Variants in XKR4 observed in about 807,000 individuals in gnomAD.
XKR4 encodes XK related 4, also known as XK-related protein 4.
Under a neutral mutation model 53.9 loss-of-function variants are expected in XKR4, and 12 were observed. The observed-to-expected ratio is 0.22, with a 90% CI of 0.14 to 0.36. The LOEUF is 0.36. Among genes scored for constraint, XKR4 ranks in the 10% least tolerant of loss-of-function variants. The pLI is 1.00. For synonymous variants in XKR4, 354 were observed against 362.4 expected (o/e 0.98, Z 0.26); for missense variants, 799 against 859.5 (o/e 0.93, Z 0.88).
At chr8:55,240,409 A>G (rs1818195758) in intron 1 of XKR4, among the ~76,000 whole-genome samples, 1 of 152,216 alleles carries the variant, frequency 6.6e-6, no homozygotes, top group South Asian at 2.1e-4. Context: ...ATAATGCTGA[A>G]GGACTTTGTC....
At chr8:55,342,110 A>C (rs575856572) in intron 1 of XKR4, among the ~76,000 whole-genome samples, 1 of 151,962 alleles carries the variant, frequency 6.6e-6, no homozygotes, top group East Asian at 1.9e-4. Context: ...TCTCGCATCT[A>C]AGTTGCCCCA....
chr8:55,405,500 G>T (rs551519287), intron 2 of XKR4, among the ~76,000 whole-genome samples: 1 of 152,318 alleles, frequency 6.6e-6, no homozygotes, highest in South Asian at 2.1e-4. Context: ...TGGCTTCCAA[G>T]ATTCTATCAG....
Position 55,165,340 on chromosome 8 carries a change from AC to A in XKR4, c.806+62048del, listed in dbSNP as rs569309698. On this transcript the variant is annotated intron_variant, in intron 1 of 2. Coordinates refer to ENST00000327381, the MANE Select transcript of XKR4 (RefSeq NM_052898.2). ...GTAATGACCTTCATACATATTATGC[AC>A]CATTAGTATTCATGACAATTATAGC... Among the ~76,000 whole-genome samples the A allele has an allele frequency of 3.3e-5, 5 of 151,866 alleles. No individual in the cohort carries two copies. In the East Asian group the frequency reaches 9.7e-4, roughly 29 times the overall value.
At chr8:55,206,538 T>A (rs565939789) in intron 1 of XKR4, among the ~76,000 whole-genome samples, 1 of 152,332 alleles carries the variant, frequency 6.6e-6, no homozygotes, top group Non-Finnish European at 1.5e-5. Flanking sequence ...TTTTTCCTTT[T>A]GCTCATCTAC....
chr8:55,316,049 C>A (rs1819469810), intron 1 of XKR4, among the ~76,000 whole-genome samples: 1 of 152,188 alleles, frequency 6.6e-6, no homozygotes, highest in African/African-American at 2.4e-5. Context: ...CGTAAAAAAT[C>A]ATTGCAACAT....
intron 2 of XKR4, among the ~76,000 whole-genome samples, chr8:55,494,022 C>A (rs560895901): frequency 6.6e-6 from 1 of 152,360 alleles, no homozygotes; most frequent in South Asian, 2.1e-4. Context: ...GCTCATTCTG[C>A]CCATTTGGCC....
chr8:55,376,745 A>T (rs1488679075), intron 2 of XKR4, among the ~76,000 whole-genome samples: 2 of 152,158 alleles, frequency 1.3e-5, no homozygotes, highest in Non-Finnish European at 2.9e-5. Context: ...CTGGGAAAGT[A>T]TAGGATTCCT....
At chr8:55,287,469 G>A (rs530683554) in intron 1 of XKR4, among the ~76,000 whole-genome samples, 1 of 152,220 alleles carries the variant, frequency 6.6e-6, no homozygotes, top group Non-Finnish European at 1.5e-5. Flanking sequence ...TATCCAAGAT[G>A]TTTCAGCTTC....
intron 2 of XKR4, among the ~76,000 whole-genome samples, chr8:55,484,082 G>A (rs1401823460): frequency 1.3e-5 from 2 of 152,068 alleles, no homozygotes; most frequent in Admixed American, 1.3e-4. Flanking sequence ...AAAGCACTTA[G>A]GTGAAACGAA....
At chr8:55,436,502 T>C (rs528719421) in intron 2 of XKR4, among the ~76,000 whole-genome samples, 1 of 152,340 alleles carries the variant, frequency 6.6e-6, no homozygotes, top group South Asian at 2.1e-4. Context: ...TAACATGTGT[T>C]CAGGTTTGAC....
intron 2 of XKR4, among the ~76,000 whole-genome samples, chr8:55,390,359 A>G (rs1309620376): frequency 6.6e-6 from 1 of 152,216 alleles, no homozygotes; most frequent in Non-Finnish European, 1.5e-5. Flanking sequence ...GAAAGGAATT[A>G]CAGTCTTTGT....
intron 2 of XKR4, among the ~76,000 whole-genome samples, chr8:55,481,403 G>T (rs1271855751): frequency 6.6e-6 from 1 of 151,716 alleles, no homozygotes; most frequent in Non-Finnish European, 1.5e-5. Flanking sequence ...ATTCAAGATG[G>T]ATTAAAGACT....
At chr8:55,180,108 T>A (rs186867031) in intron 1 of XKR4, among the ~76,000 whole-genome samples, 1 of 152,362 alleles carries the variant, frequency 6.6e-6, no homozygotes, top group African/African-American at 2.4e-5. Flanking sequence ...TTGAATTAAA[T>A]ACTGGTTCAA....
intron 1 of XKR4, among the ~76,000 whole-genome samples, chr8:55,345,953 T>A (rs1358613471): frequency 6.6e-6 from 1 of 151,880 alleles, no homozygotes; most frequent in East Asian, 1.9e-4. Context: ...TTCACTTATA[T>A]CCAGAGAAGA....
chr8:55,410,041 G>C lies in XKR4; in HGVS notation c.1006+52164G>C, dbSNP rs145641876. ...AGCAGGGAGATGATGGAGAATTGCTGTATTTCTGTTTGCCATGGCTAGTTG... is the reference window on the plus strand; with the variant it reads ...AGCAGGGAGATGATGGAGAATTGCTCTATTTCTGTTTGCCATGGCTAGTTG... On this transcript the variant is annotated intron_variant, in intron 2 of 2. Transcript: ENST00000327381. Among the ~76,000 whole-genome samples, 63 of 151,656 alleles carry C rather than the reference G, an allele frequency of 4.2e-4. 1 individual carries two copies. Among genetic ancestry groups the C allele is most frequent in the African/African-American group, 1.5e-3 (60 of 41,308 alleles).
At position 55,102,364 on chromosome 8, in the gene XKR4, G is replaced by C. The variant is rs1816055172; in HGVS notation, c.-125G>C. 3.4e-6 allele frequency: 4 copies of C among 1,192,148 alleles called. No homozygotes were observed. Among genetic ancestry groups the C allele is most frequent in the Non-Finnish European group, 4.2e-6 (4 of 947,544 alleles). 73.8% of individuals were successfully genotyped at this position (1,192,148 alleles called of 1,614,324 possible). ...GGACGGCAGGCGAGCCGACGCAGGA[G>C]CAGGAGGAGGGGGAGCCGCACCGCC... is the stretch of plus-strand genomic sequence containing the variant. On this transcript the variant is annotated 5_prime_UTR_variant, in exon 1 of 3. Coordinates refer to ENST00000327381, the MANE Select transcript of XKR4 (RefSeq NM_052898.2). This position sits in a 1 kb window ranked among gnomAD's most constrained non-coding sequence, Gnocchi z 5.1.
At chr8:55,466,558 C>A (rs545317759) in intron 2 of XKR4, among the ~76,000 whole-genome samples, 1 of 152,126 alleles carries the variant, frequency 6.6e-6, no homozygotes, top group Non-Finnish European at 1.5e-5. Context: ...ATGAGTGCAG[C>A]ACACCAACAT....
chr8:55,391,558 T>A (rs572610252), intron 2 of XKR4, among the ~76,000 whole-genome samples: 1 of 152,144 alleles, frequency 6.6e-6, no homozygotes, highest in African/African-American at 2.4e-5. Context: ...AAAATACACA[T>A]ACACACACAT....
At chr8:55,473,779 C>T (rs546611406) in intron 2 of XKR4, among the ~76,000 whole-genome samples, 2 of 152,106 alleles carry the variant, frequency 1.3e-5, no homozygotes, top group African/African-American at 4.8e-5. Flanking sequence ...CCCAAAGTTA[C>T]AACAGATTCT....
Sources: allele counts gnomAD v4.1 joint callset (sites outside exome capture counted in the v4.1 genomes callset), GRCh38; gene constraint gnomAD v4.1.1; non-coding constraint Gnocchi (gnomAD v3.1); transcripts MANE v1.5; gene names NCBI Gene and HGNC (gene_info 2026-07-23, HGNC 2026-07-21).